FANCB: variants seen among roughly 807,000 people sequenced by gnomAD.
FANCB encodes the protein FA complementation group B, also known as Fanconi anemia group B protein.
Under a neutral mutation model 38.9 loss-of-function variants are expected in FANCB, and 5 were observed. That is an observed-to-expected ratio of 0.13 (90% CI 0.07 to 0.27). The LOEUF is 0.27. FANCB is among the 10% of genes least tolerant of loss of function. The pLI is 1.00. For missense variants in FANCB, 573 were observed against 602.7 expected (o/e 0.95, Z 0.52); for synonymous variants, 236 against 215.4 (o/e 1.10, Z -0.84).
the FANCB span, among the ~76,000 whole-genome samples, chrX:14,803,954 G>C: frequency 9.0e-6 from 1 of 111,633 alleles, no homozygotes; most frequent in Non-Finnish European, 1.9e-5. Flanking sequence ...ACACCAGTTA[G>C]AATGGCAATC....
the FANCB span, among the ~76,000 whole-genome samples, chrX:14,810,616 A>C: frequency 1.8e-5 from 2 of 111,410 alleles, no homozygotes; most frequent in African/African-American, 6.5e-5. Context: ...AGTTTAGAGA[A>C]AAAAGAATAA....
chrX:14,708,956 AAG>A, the FANCB span, among the ~76,000 whole-genome samples: 12 of 111,707 alleles, frequency 1.1e-4, no homozygotes, highest in Admixed American at 2.8e-4. Flanking sequence ...AGAAAAAAAA[AAG>A]AGAGAGAGAC....
the FANCB span, among the ~76,000 whole-genome samples, chrX:14,760,996 C>CA: frequency 3.7e-4 from 40 of 107,308 alleles, no homozygotes; most frequent in East Asian, 7.2e-3. Context: ...ACAACAACAA[C>CA]AAAAAAAAAA....
At chrX:14,788,111 A>G in the FANCB span, among the ~76,000 whole-genome samples, 1 of 108,205 alleles carries the variant, frequency 9.2e-6, no homozygotes, top group Non-Finnish European at 1.9e-5. Flanking sequence ...AGGCAGCTGT[A>G]GAAATGTGCC....
chrX:14,817,353 T>C, the FANCB span, among the ~76,000 whole-genome samples: 1 of 111,641 alleles, frequency 9.0e-6, no homozygotes, highest in Non-Finnish European at 1.9e-5. Context: ...ACCCAATAAA[T>C]GATTGCTGAG....
At chrX:14,787,554 C>CA in the FANCB span, among the ~76,000 whole-genome samples, 1 of 109,757 alleles carries the variant, frequency 9.1e-6, no homozygotes, top group Non-Finnish European at 1.9e-5. Flanking sequence ...GTTTTCACCA[C>CA]AAAAAATAAG....
At chrX:14,844,410 T>A (rs752691401) in intron 9 of FANCB, 93 bp downstream of exon 9, 21 of 654,285 alleles carry the variant, frequency 3.2e-5, no homozygotes, top group Non-Finnish European at 5.4e-5. Context: ...ATGGCAATAA[T>A]ACAAAACACA....
chrX:14,696,492 G>A, the FANCB span, among the ~76,000 whole-genome samples: 1 of 111,988 alleles, frequency 8.9e-6, no homozygotes, highest in Admixed American at 9.4e-5. Context: ...GGAAGGCCGA[G>A]GATGGGGTCT....
the FANCB span, among the ~76,000 whole-genome samples, chrX:14,761,928 G>A: frequency 9.0e-6 from 1 of 111,364 alleles, no homozygotes; most frequent in African/African-American, 3.3e-5. Flanking sequence ...AGTAGAGTAG[G>A]GAGAATGAAA....
chrX:14,785,278 G>A, the FANCB span, among the ~76,000 whole-genome samples: 2 of 111,487 alleles, frequency 1.8e-5, no homozygotes, highest in Non-Finnish European at 3.8e-5. Context: ...CCCTTTTGCC[G>A]GGTAAGGTAA....
chrX:14,821,891 T>C, the FANCB span, among the ~76,000 whole-genome samples: 1 of 111,795 alleles, frequency 8.9e-6, no homozygotes, highest in Non-Finnish European at 1.9e-5. Context: ...GGCATTTTGT[T>C]TTCTTCCTCA....
At chrX:14,812,703 C>T in the FANCB span, among the ~76,000 whole-genome samples, 1 of 108,095 alleles carries the variant, frequency 9.3e-6, no homozygotes, top group Non-Finnish European at 1.9e-5. Flanking sequence ...AGTCCAGGAC[C>T]AGAAGGATTC....
chrX:14,738,379 G>C, the FANCB span, among the ~76,000 whole-genome samples: 1 of 112,069 alleles, frequency 8.9e-6, no homozygotes, highest in Non-Finnish European at 1.9e-5. Flanking sequence ...CTCTGAGGAA[G>C]AGACCTTCTT....
the FANCB span, among the ~76,000 whole-genome samples, chrX:14,829,890 C>T: frequency 2.7e-5 from 3 of 112,347 alleles, no homozygotes; most frequent in African/African-American, 9.7e-5. Context: ...GAACGTTTCC[C>T]TTGCATTCAT....
the FANCB span, among the ~76,000 whole-genome samples, chrX:14,745,921 C>T: frequency 1.8e-5 from 2 of 109,035 alleles, no homozygotes; most frequent in Non-Finnish European, 3.8e-5. Flanking sequence ...AGGATGGTCT[C>T]GATCTCCTGA....
rs551846282 is a variant in FANCB, at chrX:14,843,420, G to A, written c.*147C>T. ...ATGGCCCTAGTTGAGAACCACTGCT[G>A]TTTATTTTGTGCATCATCAAAACTA... On this transcript the variant is annotated 3_prime_UTR_variant, in exon 10 of 10. Transcript: ENST00000650831. 43 of 439,001 alleles carry A rather than the reference G, an allele frequency of 9.8e-5. No homozygotes were observed. In the South Asian group the frequency reaches 1.5e-3, roughly 15 times the overall value. The allele number at this position is 439,001 out of a possible 1,213,427, so 36.2% of individuals were successfully genotyped here. A position where few individuals can be genotyped will look rare whatever the true frequency, so the allele number is the denominator to read the frequency against.
At chrX:14,828,307 A>G in the FANCB span, among the ~76,000 whole-genome samples, 5 of 111,956 alleles carry the variant, frequency 4.5e-5, no homozygotes, top group Non-Finnish European at 9.4e-5. Context: ...TGCTTTCAGG[A>G]AAGATTTCTC....
At chrX:14,864,131 T>C (rs2147443755) in intron 3 of FANCB, among the ~76,000 whole-genome samples, 1 of 110,305 alleles carries the variant, frequency 9.1e-6, no homozygotes, top group African/African-American at 3.3e-5. Context: ...CGAGACTCTG[T>C]CTCAAAAAAA....
chrX:14,794,536 AAAAT>A, the FANCB span, among the ~76,000 whole-genome samples: 1 of 112,303 alleles, frequency 8.9e-6, no homozygotes, highest in Non-Finnish European at 1.9e-5. Flanking sequence ...AATGTTTTTC[AAAAT>A]TATTTCATTT....
Sources: gnomAD v4.1 joint callset for allele counts (sites outside exome capture counted in the v4.1 genomes callset) on GRCh38, gnomAD v4.1.1 for gene constraint, MANE v1.5 for transcripts, NCBI Gene and HGNC (gene_info 2026-07-23, HGNC 2026-07-21) for gene names.